Variants in KCNQ3 observed in about 807,000 individuals in gnomAD.
KCNQ3 encodes the protein potassium voltage-gated channel subfamily KQT member 3.
A neutral mutation model predicts 92.5 loss-of-function variants in KCNQ3; 30 were observed. That is an observed-to-expected ratio of 0.32 (90% confidence interval 0.24 to 0.44). KCNQ3 has a LOEUF of 0.44. Among genes scored for constraint, KCNQ3 ranks in the 20% least tolerant of loss-of-function variants. KCNQ3 has a pLI of 1.00. For missense variants in KCNQ3, 913 were observed against 1,140.3 expected (o/e 0.80, Z 2.87); for synonymous variants, 450 against 468.8 (o/e 0.96, Z 0.52).
chr8:132,163,318 C>G, intron 9 of KCNQ3, 150 bp downstream of exon 9: 2 of 727,562 alleles, frequency 2.7e-6, no homozygotes, highest in Non-Finnish European at 5.0e-6. Flanking sequence ...GGAAACCAGG[C>G]AGAGGACTAT....
chr8:132,340,442 T>C (rs1307375794), intron 1 of KCNQ3, among the ~76,000 whole-genome samples: 1 of 152,208 alleles, frequency 6.6e-6, no homozygotes, highest in Non-Finnish European at 1.5e-5. Context: ...GAAAAAAGAA[T>C]GAGTTCATTT....
chr8:132,285,840 C>A (rs1440003228), intron 1 of KCNQ3, among the ~76,000 whole-genome samples: 1 of 152,208 alleles, frequency 6.6e-6, no homozygotes, highest in East Asian at 1.9e-4. Context: ...GTGTTCCCAA[C>A]TGGCTGACTG....
chr8:132,378,049 A>G (rs952786409), intron 1 of KCNQ3, among the ~76,000 whole-genome samples: 1 of 152,128 alleles, frequency 6.6e-6, no homozygotes, highest in African/African-American at 2.4e-5. Flanking sequence ...TTTTTTCAAA[A>G]AAAAGTGGAA....
intron 1 of KCNQ3, among the ~76,000 whole-genome samples, chr8:132,300,992 T>C (rs1457783): frequency 0.081 from 12,379 of 152,184 alleles, 576 homozygotes; most frequent in South Asian, 0.17. Context: ...AGCCAGCCAA[T>C]GAAGAAAGAG....
At chr8:132,332,404 A>G (rs1818256458) in intron 1 of KCNQ3, among the ~76,000 whole-genome samples, 1 of 152,226 alleles carries the variant, frequency 6.6e-6, no homozygotes, top group Admixed American at 6.5e-5. Flanking sequence ...CTCCTGCAGA[A>G]GGCACCCACT....
intron 1 of KCNQ3, among the ~76,000 whole-genome samples, chr8:132,448,953 C>T (rs1028072959): frequency 2.6e-5 from 4 of 152,304 alleles, no homozygotes; most frequent in South Asian, 2.1e-4. Context: ...AAGGCCAACA[C>T]GGGTTAGAGA....
chr8:132,420,190 C>T (rs531831488), intron 1 of KCNQ3, among the ~76,000 whole-genome samples: 1 of 152,130 alleles, frequency 6.6e-6, no homozygotes, highest in South Asian at 2.1e-4. Context: ...AGCACTAATC[C>T]CATTCTTGAA....
At chr8:132,382,341 C>T (rs192294742) in intron 1 of KCNQ3, among the ~76,000 whole-genome samples, 1 of 152,208 alleles carries the variant, frequency 6.6e-6, no homozygotes, top group South Asian at 2.1e-4. Context: ...CATGTGAGAG[C>T]CGGTTGTTTA....
chr8:132,359,134 G>T (rs1267544767), intron 1 of KCNQ3, among the ~76,000 whole-genome samples: 1 of 152,142 alleles, frequency 6.6e-6, no homozygotes, highest in Non-Finnish European at 1.5e-5. Flanking sequence ...AATTGGGAGG[G>T]TCAAATACAG....
At chr8:132,423,962 T>C (rs973261295) in intron 1 of KCNQ3, among the ~76,000 whole-genome samples, 14 of 152,090 alleles carry the variant, frequency 9.2e-5, no homozygotes, top group African/African-American at 3.4e-4. Flanking sequence ...AAATTATTTC[T>C]GGGATTTAAA....
intron 4 of KCNQ3, among the ~76,000 whole-genome samples, chr8:132,176,460 A>G (rs558444421): frequency 6.6e-6 from 1 of 152,310 alleles, no homozygotes; most frequent in East Asian, 1.9e-4. Context: ...AAGAAAGGCA[A>G]GGTTATTGGT....
chr8:132,444,185 G>A (rs1821613754), intron 1 of KCNQ3, among the ~76,000 whole-genome samples: 2 of 152,238 alleles, frequency 1.3e-5, no homozygotes, highest in East Asian at 3.9e-4. Context: ...CTCAGAGGAC[G>A]TGGGTGGGTT....
chr8:132,144,998 G>A (rs1429621893), intron 9 of KCNQ3, among the ~76,000 whole-genome samples: 1 of 152,136 alleles, frequency 6.6e-6, no homozygotes, highest in Non-Finnish European at 1.5e-5. Context: ...GGGTGATTTT[G>A]AACCCCCAGC....
At chr8:132,211,414 T>C (rs1232150583) in intron 1 of KCNQ3, among the ~76,000 whole-genome samples, 2 of 152,324 alleles carry the variant, frequency 1.3e-5, no homozygotes, top group South Asian at 4.1e-4. Flanking sequence ...GACATGTGAA[T>C]TCTCTCCTGT....
intron 1 of KCNQ3, among the ~76,000 whole-genome samples, chr8:132,215,597 T>C (rs957671891): frequency 5.3e-5 from 8 of 152,210 alleles, no homozygotes; most frequent in African/African-American, 1.9e-4. Flanking sequence ...GATCTTTTAC[T>C]GTTTCCCACG....
Position 132,332,167 on chromosome 8 carries a change from C to T in KCNQ3, c.387-145986G>A, listed in dbSNP as rs1365043384. ...CTCTTGCCAGCAGGGAACCCAGCAG[C>T]CATGCCATGAGGCAGCCCATGGAGA... is the stretch of plus-strand genomic sequence containing the variant. On this transcript the variant is annotated intron_variant, in intron 1 of 14. Coordinates refer to ENST00000388996, the MANE Select transcript of KCNQ3 (RefSeq NM_004519.4). Among the ~76,000 whole-genome samples the T allele has an allele frequency of 3.3e-5, 5 of 152,336 alleles. No individual in the cohort carries two copies. In the East Asian group the frequency reaches 9.6e-4, roughly 29 times the overall value.
At chr8:132,373,092 C>T (rs375937727) in intron 1 of KCNQ3, among the ~76,000 whole-genome samples, 1 of 152,170 alleles carries the variant, frequency 6.6e-6, no homozygotes, top group Non-Finnish European at 1.5e-5. Context: ...CATCTCCCTG[C>T]GCTTTCCCAG....
rs147162801 is a variant in KCNQ3 at position 132,379,285 on chromosome 8, G to A, written c.386+100862C>T. On this transcript the variant is annotated intron_variant, in intron 1 of 14. Coordinates refer to ENST00000388996, the MANE Select transcript of KCNQ3 (RefSeq NM_004519.4). ...TTTTTAATCCTTGTGACAAATTTCT[G>A]TAGTCGAAATGATTAGCTCTATTTT... is the stretch of plus-strand genomic sequence containing the variant. 3.7e-3 allele frequency among the ~76,000 whole-genome samples: 543 copies of A among 148,396 alleles called. 1 individual carries two copies. Among genetic ancestry groups the A allele is most frequent in the Non-Finnish European group, 3.4e-3 (232 of 67,740 alleles).
intron 1 of KCNQ3, among the ~76,000 whole-genome samples, chr8:132,409,364 G>A (rs562156986): frequency 6.6e-6 from 1 of 152,000 alleles, no homozygotes; most frequent in South Asian, 2.1e-4. Flanking sequence ...CCCTGACCTT[G>A]GACCAAAATG....
Sources: gnomAD v4.1 joint callset for allele counts (sites outside exome capture counted in the v4.1 genomes callset) on GRCh38, gnomAD v4.1.1 for gene constraint, MANE v1.5 for transcripts, NCBI Gene and HGNC (gene_info 2026-07-23, HGNC 2026-07-21) for gene names.